Variants in ASPH observed in about 807,000 individuals in gnomAD.
The protein encoded by ASPH is aspartyl/asparaginyl beta-hydroxylase.
In ASPH, 100 loss-of-function variants were observed where a neutral mutation model predicts 118.4. The ratio of observed to expected loss-of-function variants is 0.84; its 90% CI spans 0.72 to 1.00. The LOEUF (loss-of-function observed/expected upper bound fraction) is 1.00. ASPH is among the 50% of genes least tolerant of loss of function. ASPH has a pLI of 0.00. For synonymous variants in ASPH, 315 were observed against 325.6 expected (o/e 0.97, Z 0.35); for missense variants, 920 against 919.5 (o/e 1.00, Z -0.01).
At chr8:61,657,601 A>G (rs1225986269) in intron 3 of ASPH, 1 of 152,220 alleles carries the variant, frequency 6.6e-6, no homozygotes, top group African/African-American at 2.4e-5. Context: ...CCAAAATGAT[A>G]GCATGAGGCA....
intron 5 of ASPH, among the ~76,000 whole-genome samples, chr8:61,649,916 A>G (rs563093321): frequency 1.3e-5 from 2 of 152,158 alleles, no homozygotes; most frequent in South Asian, 4.2e-4. Context: ...CCACCTACAT[A>G]TTCCACGTGC....
rs1315252439 is a variant in ASPH, at chr8:61,710,819, A to G, written c.103+3450T>C. 2.0e-5 allele frequency among the ~76,000 whole-genome samples: 3 copies of G among 152,346 alleles called. No homozygotes were observed. The East Asian group carries it at 5.8e-4, about 29-fold the overall frequency. ...CAATCAGCAGTGTATTGAATCCCTCAGTTACTTAGTAATCTAAGAGACACT... is the reference window on the plus strand; with the variant it reads ...CAATCAGCAGTGTATTGAATCCCTCGGTTACTTAGTAATCTAAGAGACACT... On this transcript the variant is annotated intron_variant, in intron 1 of 24. Coordinates refer to ENST00000379454, the MANE Select transcript of ASPH (RefSeq NM_004318.4).
At chr8:61,578,966 C>A in intron 15 of ASPH, 2 of 1,611,098 alleles carry the variant, frequency 1.2e-6, no homozygotes, top group Non-Finnish European at 1.7e-6. Context: ...TGTCCATGGA[C>A]AACAGCCGCT....
intron 16 of ASPH, among the ~76,000 whole-genome samples, chr8:61,567,826 C>T (rs900889503): frequency 1.3e-5 from 2 of 152,222 alleles, no homozygotes; most frequent in Admixed American, 1.3e-4. Flanking sequence ...ATGTGTCTAA[C>T]AGCCATAAGT....
At chr8:61,515,914 C>G (rs999655804) in intron 24 of ASPH, among the ~76,000 whole-genome samples, 1 of 152,174 alleles carries the variant, frequency 6.6e-6, no homozygotes, top group African/African-American at 2.4e-5. Context: ...GCTGCTGTGA[C>G]AGCCTGCTAA....
At chr8:61,582,167 G>T (rs1837772475) in intron 15 of ASPH, among the ~76,000 whole-genome samples, 1 of 152,138 alleles carries the variant, frequency 6.6e-6, no homozygotes, top group Non-Finnish European at 1.5e-5. Context: ...ATTGTATATG[G>T]GGCTACTTCT....
At chr8:61,529,692 T>G (rs1816849080) in intron 21 of ASPH, among the ~76,000 whole-genome samples, 2 of 152,152 alleles carry the variant, frequency 1.3e-5, no homozygotes, top group Non-Finnish European at 2.9e-5. Context: ...TACCATAAAC[T>G]GGGTAGATTA....
At chr8:61,596,581 C>T (rs960481241) in intron 14 of ASPH, among the ~76,000 whole-genome samples, 32 of 152,340 alleles carry the variant, frequency 2.1e-4, no homozygotes, top group Admixed American at 9.8e-4. Context: ...CTCACCACAG[C>T]CTCCACTAAA....
chr8:61,559,785 A>C (rs1019760335), intron 18 of ASPH, among the ~76,000 whole-genome samples: 1 of 152,222 alleles, frequency 6.6e-6, no homozygotes, highest in Non-Finnish European at 1.5e-5. Flanking sequence ...ATAACATATA[A>C]GTACATAAAC....
intron 16 of ASPH, among the ~76,000 whole-genome samples, chr8:61,569,074 A>G (rs1832689227): frequency 6.6e-6 from 1 of 152,242 alleles, no homozygotes; most frequent in South Asian, 2.1e-4. Context: ...AGAATAGTCC[A>G]TCTGTGCTAA....
At chr8:61,534,687 A>G (rs922916546) in intron 21 of ASPH, among the ~76,000 whole-genome samples, 3 of 152,240 alleles carry the variant, frequency 2.0e-5, no homozygotes, top group Non-Finnish European at 4.4e-5. Context: ...ATTTTGTTCT[A>G]ATCAATCATA....
chr8:61,706,473 G>GAAA (rs1836727113), intron 1 of ASPH, among the ~76,000 whole-genome samples: 1 of 142,002 alleles, frequency 7.0e-6, no homozygotes, highest in African/African-American at 2.6e-5. Flanking sequence ...AGAGGAAGAA[G>GAAA]AAGAAGAAAG....
chr8:61,578,617 G>T, intron 15 of ASPH: 9 of 1,550,912 alleles, frequency 5.8e-6, no homozygotes, highest in Non-Finnish European at 7.1e-6. Flanking sequence ...AAGATGGCTC[G>T]GAGCAACATG....
rs1355407884 is a variant in ASPH, at chr8:61,562,754, A to G, written c.1427T>C (p.Val476Ala). Residue 476 changes from valine to alanine, a missense_variant, in exon 18 of 25, where the codon GTT becomes GCT. Physicochemically the swap from Val to Ala is moderately conservative, Grantham distance 64. Coordinates refer to ENST00000379454, the MANE Select transcript of ASPH (RefSeq NM_004318.4). ...AAGATTGATGCTTACCTCTTCATAAACTTTCTTTGCATTGTCATTATCTCC... is the reference window on the plus strand; with the variant it reads ...AAGATTGATGCTTACCTCTTCATAAGCTTTCTTTGCATTGTCATTATCTCC... Reference protein sequence around the residue: ...LIGDNDNAKKVYEEVLSVTPN... With the variant: ...LIGDNDNAKKAYEEVLSVTPN... 6.2e-7 allele frequency: 1 copy of G among 1,606,918 alleles called. No individual in the cohort carries two copies. The highest frequency in any genetic ancestry group is 8.5e-7 in the Non-Finnish European group (1 of 1,177,722).
intron 24 of ASPH, among the ~76,000 whole-genome samples, chr8:61,513,854 T>A (rs1283941967): frequency 6.6e-6 from 1 of 152,068 alleles, no homozygotes; most frequent in African/African-American, 2.4e-5. Context: ...AACCTAATTA[T>A]GTTTTAAGCT....
chr8:61,617,126 A>G (rs1474400811), intron 14 of ASPH, among the ~76,000 whole-genome samples: 1 of 152,196 alleles, frequency 6.6e-6, no homozygotes, highest in Non-Finnish European at 1.5e-5. Context: ...CCAGGCTGTG[A>G]GTAAATTTGG....
In ASPH at chr8:61,642,845, C is replaced by CA. The variant is rs749849292; in HGVS notation, c.790+42dup. On this transcript the variant is annotated intron_variant, in intron 10 of 24. Transcript: ENST00000379454. ...GGGCAACAAGAGCGAAACTCCATCT[C>CA]AAAAAAAAAAAGAAAAAAAAAAAAA... 0.046 allele frequency: 37,017 copies of CA among 801,078 alleles called. 2 individuals are homozygous for CA. Among genetic ancestry groups the CA allele is most frequent in the South Asian group, 0.056 (2,095 of 37,162 alleles). 49.6% of individuals were successfully genotyped at this position (801,078 alleles called of 1,614,324 possible).
Position 61,503,180 on chromosome 8 carries a change from T to C in ASPH, c.*179A>G. The C allele has an allele frequency of 1.7e-6, 1 of 585,644 alleles. No individual in the cohort carries two copies. The highest frequency in any genetic ancestry group is 4.5e-5 in the South Asian group (1 of 22,416). The allele number at this position is 585,644 out of a possible 1,614,324, so 36.3% of individuals were successfully genotyped here. A position where few individuals can be genotyped will look rare whatever the true frequency, so the allele number is the denominator to read the frequency against. On this transcript the variant is annotated 3_prime_UTR_variant, in exon 25 of 25. Transcript: ENST00000379454. ...ACAGCAGGGTGTTTCCTAAATGAAT[T>C]GCAGCGAGGCAAATATTCCCTTTAG...
chr8:61,517,117 G>A (rs1028435159), intron 24 of ASPH: 7 of 161,366 alleles, frequency 4.3e-5, no homozygotes, highest in South Asian at 1.8e-4. Context: ...ATATCAAAAC[G>A]TATAAATATC....
Sources: gnomAD v4.1 joint callset for allele counts (sites outside exome capture counted in the v4.1 genomes callset) on GRCh38, gnomAD v4.1.1 for gene constraint, MANE v1.5 for transcripts, NCBI Gene and HGNC (gene_info 2026-07-23, HGNC 2026-07-21) for gene names.